The following OTOF variants were observed in gnomAD, a reference collection of about 807,000 sequenced individuals.
OTOF encodes the protein fer-1-like family member 2.
OTOF carries 218 observed loss-of-function variants against 236.8 expected under a neutral mutation model. The observed-to-expected ratio is 0.92, with a 90% confidence interval of 0.82 to 1.03. The LOEUF is 1.03. OTOF is among the 50% of genes least tolerant of loss of function. OTOF has a pLI of 0.00. For synonymous variants in OTOF, 1,041 were observed against 1,072.5 expected (o/e 0.97, Z 0.57); for missense variants, 2,590 against 2,694.4 (o/e 0.96, Z 0.86).
intron 6 of OTOF, 89 bp downstream of exon 6, chr2:26,503,683 G>A: frequency 4.4e-6 from 5 of 1,142,474 alleles, no homozygotes; most frequent in Non-Finnish European, 6.6e-6. Context: ...ATCCCAGGAG[G>A]GCCTTTTGGC....
intron 1 of OTOF, among the ~76,000 whole-genome samples, chr2:26,551,511 G>A (rs573477449): frequency 6.6e-6 from 1 of 152,262 alleles, no homozygotes; most frequent in South Asian, 2.1e-4. Flanking sequence ...CCCCATCCTG[G>A]GCTAAGTGGG....
chr2:26,525,924 T>C (rs1462240647), intron 3 of OTOF, among the ~76,000 whole-genome samples: 2 of 151,616 alleles, frequency 1.3e-5, no homozygotes, highest in Non-Finnish European at 2.9e-5. Context: ...CCATCTCTAC[T>C]AAAAATACAA....
At chr2:26,522,760 C>T (rs951381842) in intron 3 of OTOF, among the ~76,000 whole-genome samples, 5 of 152,200 alleles carry the variant, frequency 3.3e-5, no homozygotes, top group African/African-American at 1.2e-4. Flanking sequence ...CCTGAACCTG[C>T]TGTGTGACCC....
In OTOF at chr2:26,519,020, G is replaced by A. The variant is rs777389771; in HGVS notation, c.317C>T (p.Ala106Val). Residue 106 changes from alanine (A) to valine (V), a missense_variant, in exon 4 of 47, where the codon GCT becomes GTT. Physicochemically the swap from Ala to Val is moderately conservative, Grantham distance 64 (BLOSUM62 0). This residue lies in a region of OTOF where 1,379 missense variants were observed against 1,341.6 expected (regional missense o/e 1.03). Transcript: ENST00000272371. ...GTGGGGCATACCCACCTTGATGATAGCATTGTTGTCATCAATCAGCGTGTC... is the reference window on the plus strand; with the variant it reads ...GTGGGGCATACCCACCTTGATGATAACATTGTTGTCATCAATCAGCGTGTC... The part of the protein sequence containing the change: ...VTDTLIDDNN[A>V]IIKTSLCVEV... 9.3e-6 allele frequency: 15 copies of A among 1,605,578 alleles called. No homozygotes were observed. The highest frequency in any genetic ancestry group is 1.2e-5 in the Non-Finnish European group (14 of 1,174,030).
rs762682915 is a variant in OTOF at position 26,516,585 on chromosome 2, C to G, written c.342G>C (p.Val114=). 5.6e-6 allele frequency: 9 copies of G among 1,606,754 alleles called. No homozygotes were observed. In the East Asian group the frequency reaches 1.6e-4, roughly 28 times the overall value. The part of the protein sequence containing the change: ...NNAIIKTSLC[V]EVRYQATDGT... ...CGTCAGTGGCCTGATACCGGACCTCCACGCACAGGCTGGTCTGAAGGGAGG... is the reference window on the plus strand; with the variant it reads ...CGTCAGTGGCCTGATACCGGACCTCGACGCACAGGCTGGTCTGAAGGGAGG... Residue 114 remains valine, a synonymous_variant, in exon 5 of 47, where the codon GTG becomes GTC. Coordinates refer to ENST00000272371, the MANE Select transcript of OTOF (RefSeq NM_194248.3).
At chr2:26,463,217 T>C (rs952269128) in intron 41 of OTOF, among the ~76,000 whole-genome samples, 6 of 152,210 alleles carry the variant, frequency 3.9e-5, no homozygotes, top group Admixed American at 3.9e-4. Flanking sequence ...CGGAGTGTGC[T>C]GTGTGGGGCT....
chr2:26,526,505 G>C (rs1435443860), intron 3 of OTOF, among the ~76,000 whole-genome samples: 1 of 152,194 alleles, frequency 6.6e-6, no homozygotes, highest in African/African-American at 2.4e-5. Context: ...ATGGATGGAT[G>C]AATGGATCAA....
At chr2:26,531,628 C>A (rs1263893941) in intron 2 of OTOF, among the ~76,000 whole-genome samples, 4 of 152,324 alleles carry the variant, frequency 2.6e-5, no homozygotes, top group South Asian at 2.1e-4. Flanking sequence ...TCTTTCACTG[C>A]ATCTTCTCTT....
intron 1 of OTOF, among the ~76,000 whole-genome samples, chr2:26,544,090 T>C (rs1667270979): frequency 6.6e-6 from 1 of 152,264 alleles, no homozygotes; most frequent in Admixed American, 6.5e-5. Flanking sequence ...GAATCACATT[T>C]GTAGCTTATT....
At chr2:26,494,028 A>T (rs557430726) in intron 9 of OTOF, among the ~76,000 whole-genome samples, 1 of 152,340 alleles carries the variant, frequency 6.6e-6, no homozygotes, top group Admixed American at 6.5e-5. Context: ...ATCCCTCCCC[A>T]GAGCTGATTA....
At chr2:26,528,161 C>T (rs1213412117) in intron 2 of OTOF, among the ~76,000 whole-genome samples, 1 of 152,198 alleles carries the variant, frequency 6.6e-6, no homozygotes, top group Non-Finnish European at 1.5e-5. Context: ...GTTGGAGGAC[C>T]TGCCCAAGGT....
chr2:26,484,390 G>A lies in OTOF; in HGVS notation c.1205+84C>T, dbSNP rs116336271. The A allele has an allele frequency of 1.8e-3, 2,595 of 1,428,406 alleles. 35 individuals carry two copies. The African/African-American group carries it at 0.031, about 17-fold the overall frequency. 88.5% of individuals were successfully genotyped at this position (1,428,406 alleles called of 1,614,324 possible). A position where few individuals can be genotyped will look rare whatever the true frequency, so the allele number is the denominator to read the frequency against. On this transcript the variant is annotated intron_variant, in intron 12 of 46. Transcript: ENST00000272371. Reference sequence around the variant, plus strand: ...AGGGTGAGGGAGACGGGTGGCAGGTGCTCTCAGCAAACCCTCACCGGGGGC... The same window carrying A: ...AGGGTGAGGGAGACGGGTGGCAGGTACTCTCAGCAAACCCTCACCGGGGGC...
intron 2 of OTOF, among the ~76,000 whole-genome samples, chr2:26,533,172 G>A (rs556712640): frequency 1.3e-5 from 2 of 152,240 alleles, no homozygotes. Flanking sequence ...TCTAGGCTGT[G>A]CACTCCTTAA....
intron 22 of OTOF, among the ~76,000 whole-genome samples, 195 bp from the exon 23 acceptor site, chr2:26,476,512 C>CTCCTTCCCCACCCCTTCCCCCACG (rs1665282333): frequency 7.8e-6 from 1 of 128,196 alleles, no homozygotes; most frequent in Non-Finnish European, 1.6e-5. Flanking sequence ...CTTCCCCCAC[C>CTCCTTCCCCACCCCTTCCCCCACG]TCCTTCCCCA....
chr2:26,475,603 G>T, intron 24 of OTOF, 110 bp from the exon 25 acceptor site: 2 of 1,238,794 alleles, frequency 1.6e-6, no homozygotes, highest in Admixed American at 1.8e-5. Context: ...GGGCAGGAGT[G>T]ACAGGTGTCT....
chr2:26,513,574 G>A (rs567507557), intron 5 of OTOF, among the ~76,000 whole-genome samples: 88 of 152,332 alleles, frequency 5.8e-4, no homozygotes, highest in Non-Finnish European at 1.1e-3. Flanking sequence ...GGACCCTAAC[G>A]GTCAAGATGG....
intron 25 of OTOF, 108 bp from the exon 26 acceptor site, chr2:26,474,782 T>C: frequency 8.0e-7 from 1 of 1,253,496 alleles, no homozygotes; most frequent in Non-Finnish European, 1.2e-6. Flanking sequence ...ACAGGTGTGA[T>C]CACCCCATTT....
At position 26,480,318 on chromosome 2, in the gene OTOF, G is replaced by T; in HGVS notation, c.1804-7C>A. 6.4e-7 allele frequency: 1 copy of T among 1,562,390 alleles called. No homozygotes were observed. Among genetic ancestry groups the T allele is most frequent in the Non-Finnish European group, 8.8e-7 (1 of 1,135,884 alleles). The stretch of plus-strand genomic sequence containing the variant: ...CCATTTTACCTGCACAGCTCTGTGG[G>T]GAGGCAGTTCAAAGCGTTCCTGAGC... On this transcript the variant is annotated splice_region_variant and splice_polypyrimidine_tract_variant and intron_variant, in intron 15 of 46. Coordinates refer to ENST00000272371, the MANE Select transcript of OTOF (RefSeq NM_194248.3).
In OTOF at chr2:26,470,097, C is replaced by T. The variant is rs954983922; in HGVS notation, c.4023+496G>A. ...AAAATAAAACATTATGAAGAAGAGT[C>T]GTAAGGACTACTGATAAGCAGTTGT... On this transcript the variant is annotated intron_variant, in intron 32 of 46. Coordinates refer to ENST00000272371, the MANE Select transcript of OTOF (RefSeq NM_194248.3). This position sits in a 1 kb window ranked among gnomAD's most constrained non-coding sequence, Gnocchi z 4.3. Among the ~76,000 whole-genome samples the T allele has an allele frequency of 7.2e-5, 11 of 152,156 alleles. No homozygotes were observed. The highest frequency in any genetic ancestry group is 1.7e-4 in the African/African-American group (7 of 41,436).
Sources: gnomAD v4.1 joint callset for allele counts (sites outside exome capture counted in the v4.1 genomes callset) on GRCh38, gnomAD v4.1.1 for gene constraint, gnomAD v4.1.1 regional missense constraint, Gnocchi (gnomAD v3.1) non-coding constraint, MANE v1.5 for transcripts, NCBI Gene and HGNC (gene_info 2026-07-23, HGNC 2026-07-21) for gene names.